RASA3: variants seen among roughly 807,000 people sequenced by gnomAD.
RASA3 encodes RAS p21 protein activator 3, also known as ras GTPase-activating protein 3.
A neutral mutation model predicts 110.0 loss-of-function variants in RASA3; 73 were observed. The observed-to-expected ratio is 0.66, with a 90% confidence interval of 0.55 to 0.81. The LOEUF (loss-of-function observed/expected upper bound fraction) is 0.81, where lower values mean the gene tolerates loss of function less well. RASA3 is among the 30% of genes least tolerant of loss of function. The probability of loss-of-function intolerance (pLI) is 0.00; values close to 1 mark genes in which losing one functional copy is unlikely to be tolerated. For missense variants in RASA3, 976 were observed against 1,113.2 expected (o/e 0.88, Z 1.75); for synonymous variants, 500 against 451.4 (o/e 1.11, Z -1.37).
chr13:114,015,098 C>A (rs1315285636), intron 14 of RASA3, 111 bp downstream of exon 14: 2 of 1,426,798 alleles, frequency 1.4e-6, no homozygotes, highest in Admixed American at 3.8e-5. Context: ...GGGTTCACGA[C>A]CCCGCAGTTC....
At chr13:114,015,936 G>A (rs1227040328) in intron 13 of RASA3, among the ~76,000 whole-genome samples, 3 of 152,136 alleles carry the variant, frequency 2.0e-5, no homozygotes, top group Non-Finnish European at 1.5e-5. Context: ...CATGCAGACC[G>A]GATCACTCCA....
chr13:113,993,524 T>C (rs905936941), intron 21 of RASA3, among the ~76,000 whole-genome samples: 9 of 151,662 alleles, frequency 5.9e-5, no homozygotes, highest in African/African-American at 1.9e-4. Context: ...AAAACCTCCA[T>C]AGCCGGGTGT....
intron 2 of RASA3, among the ~76,000 whole-genome samples, chr13:114,060,727 C>T (rs1403921890): frequency 6.6e-6 from 1 of 152,226 alleles, no homozygotes. Context: ...GGACTGTCCC[C>T]CAGCGCTGCG....
At chr13:114,024,888 C>T (rs2053999085) in intron 7 of RASA3, among the ~76,000 whole-genome samples, 1 of 151,786 alleles carries the variant, frequency 6.6e-6, no homozygotes, top group Non-Finnish European at 1.5e-5. Flanking sequence ...CTACCTTCCT[C>T]CTGACACCTC....
intron 1 of RASA3, among the ~76,000 whole-genome samples, chr13:114,076,798 C>T (rs2079692758): frequency 6.6e-6 from 1 of 152,124 alleles, no homozygotes; most frequent in African/African-American, 2.4e-5. Context: ...TCCAGCCTCC[C>T]GGCCCTGTTT....
intron 9 of RASA3, among the ~76,000 whole-genome samples, chr13:114,019,188 G>C (rs904231237): frequency 1.3e-5 from 2 of 152,170 alleles, no homozygotes; most frequent in Non-Finnish European, 2.9e-5. Context: ...TGGCAGGAAC[G>C]GGTTTCCGGG....
Position 113,979,265 on chromosome 13 carries a change from G to C in RASA3, c.*82C>G, listed in dbSNP as rs1040291992. On this transcript the variant is annotated 3_prime_UTR_variant, in exon 24 of 24. Transcript: ENST00000334062. ...GTGCATCTCACTTTGCCGGCTCTGC[G>C]CTCTTCCTTCTCTTCTCCCTCCCAA... 9 of 1,346,062 alleles carry C rather than the reference G, an allele frequency of 6.7e-6. No homozygotes were observed. The highest frequency in any genetic ancestry group is 9.6e-6 in the Non-Finnish European group (9 of 940,732). 83.4% of individuals were successfully genotyped at this position (1,346,062 alleles called of 1,614,324 possible).
intron 2 of RASA3, among the ~76,000 whole-genome samples, chr13:114,052,667 T>A (rs961835661): frequency 6.6e-5 from 10 of 150,510 alleles, no homozygotes; most frequent in African/African-American, 2.2e-4. Flanking sequence ...GTACTTAGAG[T>A]CCTCGCTCCT....
rs1198121611 is a variant in RASA3 at position 114,115,595 on chromosome 13, T to C, written c.55+16840A>G. 6.6e-6 allele frequency among the ~76,000 whole-genome samples: 1 copy of C among 152,216 alleles called. No individual in the cohort carries two copies. The highest frequency in any genetic ancestry group is 2.4e-5 in the African/African-American group (1 of 41,460). The stretch of plus-strand genomic sequence containing the variant: ...AGCAGCTGGTCATGTCCACGCCCTC[T>C]GCAGGCCTCGTGTCCCCCTCGCTGT... On this transcript the variant is annotated intron_variant, in intron 1 of 23. Coordinates refer to ENST00000334062, the MANE Select transcript of RASA3 (RefSeq NM_007368.4). This position sits in a 1 kb window ranked among gnomAD's most constrained non-coding sequence, Gnocchi z 5.0.
rs1287058655 is a variant in RASA3, at chr13:113,995,788, GGGGGGTCCGGCTGAT to G, written c.2141+728_2141+742del. On this transcript the variant is annotated intron_variant, in intron 21 of 23. Transcript: ENST00000334062. ...CCGGCTGACGGGGGGCCCGGCTGAC[GGGGGGTCCGGCTGAT>G]GGGGGTCCGGCTGACGGGGGGCCCG... Among the ~76,000 whole-genome samples the G allele has an allele frequency of 7.3e-4, 41 of 55,926 alleles. 7 individuals carry two copies. The highest frequency in any genetic ancestry group is 3.8e-3 in the East Asian group (7 of 1,852). 36.7% of individuals were successfully genotyped at this position (55,926 alleles called of 152,430 possible).
intron 14 of RASA3, among the ~76,000 whole-genome samples, chr13:114,013,502 T>C (rs1365599177): frequency 2.8e-5 from 4 of 145,000 alleles, no homozygotes; most frequent in African/African-American, 1.1e-4. Context: ...TCTCTCTCTC[T>C]CCCTCTATTT....
In RASA3 at chr13:114,091,837, G is replaced by C. The variant is rs2079892788; in HGVS notation, c.56-18000C>G. Among the ~76,000 whole-genome samples, 2 of 151,870 alleles carry C rather than the reference G, an allele frequency of 1.3e-5. 1 individual carries two copies. Among genetic ancestry groups the C allele is most frequent in the South Asian group, 4.2e-4 (2 of 4,810 alleles). The stretch of plus-strand genomic sequence containing the variant: ...CCATCAGGGCCTGGGCTTTTTCTTT[G>C]CTGGGAGATTTTTTGTTCTGATTTC... On this transcript the variant is annotated intron_variant, in intron 1 of 23. Transcript: ENST00000334062.
intron 21 of RASA3, among the ~76,000 whole-genome samples, chr13:113,993,527 C>T (rs1299027609): frequency 2.0e-5 from 3 of 151,848 alleles, no homozygotes; most frequent in Non-Finnish European, 4.4e-5. Context: ...ACCTCCATAG[C>T]CGGGTGTGGT....
At chr13:114,109,534 G>C (rs1002140382) in intron 1 of RASA3, among the ~76,000 whole-genome samples, 6 of 152,198 alleles carry the variant, frequency 3.9e-5, no homozygotes, top group African/African-American at 1.4e-4. Flanking sequence ...TGCGGACGTT[G>C]ACACAGGGTC....
chr13:114,088,018 C>G (rs1467196641), intron 1 of RASA3, among the ~76,000 whole-genome samples: 2 of 152,120 alleles, frequency 1.3e-5, no homozygotes, highest in African/African-American at 4.8e-5. Flanking sequence ...GTAGTCCCAG[C>G]TATTTGTGAG....
chr13:113,991,699 C>T (rs1177343391), intron 22 of RASA3, among the ~76,000 whole-genome samples: 1 of 152,286 alleles, frequency 6.6e-6, no homozygotes, highest in South Asian at 2.1e-4. Context: ...GTGTGCCTGG[C>T]ACTGTTTCAA....
chr13:114,108,176 CCT>C (rs764126777), intron 1 of RASA3, among the ~76,000 whole-genome samples: 21 of 152,098 alleles, frequency 1.4e-4, no homozygotes, highest in Admixed American at 7.2e-4. Context: ...TCCGTCATCC[CCT>C]GTCCGTCACC....
Position 113,996,614 on chromosome 13 carries a change from G to A in RASA3, c.2058C>T (p.Tyr686=), listed in dbSNP as rs1280629523. The change falls in exon 21 of 24, where the codon TAC becomes TAT. Residue 686 remains tyrosine, a synonymous_variant. Transcript: ENST00000334062. The stretch of plus-strand genomic sequence containing the variant: ...GGCCGCTCAGGTAGGCGGACGGGTG[G>A]TAGACGGTGAGGCGCTTCTGGTTGC... ...SQCNQKRLTV[Y]HPSAYLSGHW... 3 of 1,613,576 alleles carry A rather than the reference G, an allele frequency of 1.9e-6. No individual in the cohort carries two copies. Among genetic ancestry groups the A allele is most frequent in the Non-Finnish European group, 2.5e-6 (3 of 1,180,040 alleles).
At chr13:114,005,489 T>C (rs1027444083) in intron 18 of RASA3, among the ~76,000 whole-genome samples, 31 of 145,272 alleles carry the variant, frequency 2.1e-4, no homozygotes, top group Non-Finnish European at 3.3e-4. Flanking sequence ...ACCGAGAAGG[T>C]GGCAGAGGGG....
Sources: gnomAD v4.1 joint callset for allele counts (sites outside exome capture counted in the v4.1 genomes callset) on GRCh38, gnomAD v4.1.1 for gene constraint, Gnocchi (gnomAD v3.1) non-coding constraint, MANE v1.5 for transcripts, NCBI Gene and HGNC (gene_info 2026-07-23, HGNC 2026-07-21) for gene names.